Variants in RABGAP1 observed in about 807,000 individuals in gnomAD.
The protein encoded by RABGAP1 is rab GTPase-activating protein 1.
RABGAP1 carries 23 observed loss-of-function variants against 137.6 expected under a neutral mutation model. The ratio of observed to expected loss-of-function variants is 0.17; its 90% confidence interval spans 0.12 to 0.24. The LOEUF (loss-of-function observed/expected upper bound fraction) is 0.24. Ranked by LOEUF, RABGAP1 falls within the 10% of genes least tolerant of loss-of-function variation. RABGAP1 has a pLI of 1.00. For synonymous variants in RABGAP1, 451 were observed against 450.7 expected (o/e 1.00, Z -0.01); for missense variants, 906 against 1,275.8 (o/e 0.71, Z 4.42).
intron 13 of RABGAP1, among the ~76,000 whole-genome samples, chr9:123,041,841 A>T (rs1003063470): frequency 6.6e-5 from 10 of 152,222 alleles, no homozygotes; most frequent in Admixed American, 3.9e-4. Context: ...AGACTAAAAA[A>T]CAAGAATTGA....
intron 14 of RABGAP1, 77 bp downstream of exon 14, chr9:123,065,538 A>C: frequency 1.9e-6 from 2 of 1,074,200 alleles, no homozygotes; most frequent in Non-Finnish European, 2.9e-6. Context: ...AAACAACTAC[A>C]AAGTGTAATT....
chr9:123,079,731 T>G (rs767296995), intron 19 of RABGAP1, among the ~76,000 whole-genome samples: 2 of 152,146 alleles, frequency 1.3e-5, no homozygotes, highest in Non-Finnish European at 2.9e-5. Context: ...CTGCTTGTAA[T>G]GTTCTCCTGA....
intron 19 of RABGAP1, among the ~76,000 whole-genome samples, chr9:123,084,824 G>T (rs1446793512): frequency 6.6e-6 from 1 of 152,172 alleles, no homozygotes; most frequent in Non-Finnish European, 1.5e-5. Flanking sequence ...GACTGTTAAC[G>T]ATTTTTACAG....
intron 25 of RABGAP1, among the ~76,000 whole-genome samples, chr9:123,102,782 CA>C (rs1299503996): frequency 6.6e-6 from 1 of 152,072 alleles, no homozygotes; most frequent in African/African-American, 2.4e-5. Flanking sequence ...AGATTTTTGC[CA>C]AAATGAAATG....
chr9:122,942,255 A>C (rs1174951502), intron 1 of RABGAP1, among the ~76,000 whole-genome samples: 1 of 152,236 alleles, frequency 6.6e-6, no homozygotes, highest in East Asian at 1.9e-4. Flanking sequence ...AGTTGGGAAA[A>C]AAAGCTTAGG....
intron 19 of RABGAP1, among the ~76,000 whole-genome samples, chr9:123,087,058 G>A (rs1384663384): frequency 2.0e-5 from 3 of 152,168 alleles, no homozygotes; most frequent in Non-Finnish European, 2.9e-5. Context: ...AATGTAAGAA[G>A]CAAATGAGAT....
chr9:123,101,512 C>G, intron 24 of RABGAP1, 54 bp from the exon 25 acceptor site: 1 of 1,528,528 alleles, frequency 6.5e-7, no homozygotes, highest in East Asian at 2.3e-5. Context: ...CTCACACCAT[C>G]CTAAAGGGCC....
chr9:123,015,682 A>G, intron 12 of RABGAP1, 46 bp downstream of exon 12: 2 of 1,348,648 alleles, frequency 1.5e-6, no homozygotes, highest in Non-Finnish European at 2.1e-6. Flanking sequence ...TTTTCATTTT[A>G]TGGGTAGAGA....
chr9:123,022,411 T>G (rs920787211), intron 13 of RABGAP1, among the ~76,000 whole-genome samples: 6 of 152,196 alleles, frequency 3.9e-5, no homozygotes, highest in African/African-American at 1.4e-4. Context: ...CAATTTTGTT[T>G]TTCTTTTTGA....
At chr9:122,933,693 C>G in the RABGAP1 span, among the ~76,000 whole-genome samples, 2 of 152,152 alleles carry the variant, frequency 1.3e-5, no homozygotes, top group African/African-American at 4.8e-5. Flanking sequence ...GTGGCAATCT[C>G]GGCTCACTGC....
At chr9:122,963,926 C>A (rs1834988155) in intron 2 of RABGAP1, among the ~76,000 whole-genome samples, 2 of 152,234 alleles carry the variant, frequency 1.3e-5, no homozygotes, top group Admixed American at 6.5e-5. Context: ...AATAATACTG[C>A]TGATAATACG....
At chr9:122,949,535 A>G (rs987984682) in intron 1 of RABGAP1, among the ~76,000 whole-genome samples, 2 of 151,820 alleles carry the variant, frequency 1.3e-5, no homozygotes, top group African/African-American at 2.4e-5. Flanking sequence ...ATAACAAAAC[A>G]AAAACAAAAA....
At chr9:122,982,533 A>C (rs1369710293) in intron 2 of RABGAP1, among the ~76,000 whole-genome samples, 1 of 152,198 alleles carries the variant, frequency 6.6e-6, no homozygotes, top group Admixed American at 6.5e-5. Context: ...TAATTGCTTC[A>C]ACAGGGAATC....
At chr9:122,989,659 A>G (rs1331605885) in intron 5 of RABGAP1, 188 bp downstream of exon 5, 3 of 644,120 alleles carry the variant, frequency 4.7e-6, no homozygotes, top group Non-Finnish European at 7.8e-6. Flanking sequence ...GAACTTTGTT[A>G]CTACTACTAA....
At chr9:122,957,253 GC>G in intron 2 of RABGAP1, 44 bp downstream of exon 2, 1 of 1,426,338 alleles carries the variant, frequency 7.0e-7, no homozygotes, top group Non-Finnish European at 9.4e-7. Context: ...GCTTTTCTAA[GC>G]CCATTGCAAA....
intron 13 of RABGAP1, among the ~76,000 whole-genome samples, chr9:123,040,014 T>G (rs890025720): frequency 2.0e-5 from 3 of 152,176 alleles, no homozygotes; most frequent in Non-Finnish European, 2.9e-5. Context: ...TAGGGAAAGT[T>G]TAAGCAATCA....
chr9:123,090,212 T>C (rs1481436363), intron 20 of RABGAP1, 63 bp from the exon 21 acceptor site: 2 of 1,308,172 alleles, frequency 1.5e-6, no homozygotes, highest in Admixed American at 2.3e-5. Flanking sequence ...GGTTTAGCCC[T>C]GAGAAATTTT....
intron 13 of RABGAP1, among the ~76,000 whole-genome samples, chr9:123,040,803 A>C (rs1362442803): frequency 6.6e-6 from 1 of 152,206 alleles, no homozygotes; most frequent in African/African-American, 2.4e-5. Flanking sequence ...TCAGATAATT[A>C]GGGATGTGAT....
rs888734424 is a variant in RABGAP1 at position 123,018,598 on chromosome 9, G to C, written c.1644-1711G>C. On this transcript the variant is annotated intron_variant, in intron 12 of 25. Coordinates refer to ENST00000373647, the MANE Select transcript of RABGAP1 (RefSeq NM_012197.4). Reference sequence around the variant, plus strand: ...CAGGCTATAGCATACCAGGGATTGGGTTAGCAGCAGAACTATGTCTGTTCT... The same window carrying C: ...CAGGCTATAGCATACCAGGGATTGGCTTAGCAGCAGAACTATGTCTGTTCT... Among the ~76,000 whole-genome samples the C allele has an allele frequency of 2.0e-5, 3 of 152,320 alleles. No individual in the cohort carries two copies. In the South Asian group the frequency reaches 6.2e-4, roughly 32 times the overall value.
Sources: allele counts gnomAD v4.1 joint callset (sites outside exome capture counted in the v4.1 genomes callset), GRCh38; gene constraint gnomAD v4.1.1; transcripts MANE v1.5; gene names NCBI Gene and HGNC (gene_info 2026-07-23, HGNC 2026-07-21).